LRRC27: variants seen among roughly 807,000 people sequenced by gnomAD.
LRRC27 encodes leucine-rich repeat-containing protein 27.
In LRRC27, 57 loss-of-function variants were observed where a neutral mutation model predicts 55.0. The ratio of observed to expected loss-of-function variants is 1.04; its 90% CI spans 0.84 to 1.29. The LOEUF is 1.29. LRRC27 is among the 50% of genes most tolerant of loss of function. The probability of loss-of-function intolerance (pLI) is 0.00; values close to 1 mark genes in which losing one functional copy is unlikely to be tolerated. For missense variants in LRRC27, 721 were observed against 651.5 expected (o/e 1.11, Z -1.16); for synonymous variants, 278 against 251.9 (o/e 1.10, Z -0.98).
At chr10:132,366,828 T>C in intron 10 of LRRC27, 2 of 1,262,032 alleles carry the variant, frequency 1.6e-6, no homozygotes, top group Non-Finnish European at 2.1e-6. Flanking sequence ...CCATTTCCGC[T>C]GTTTCCCTCT....
Position 132,351,788 on chromosome 10 carries a change from G to T in LRRC27, c.1073+35G>T, listed in dbSNP as rs200880765. 763 of 1,570,250 alleles carry T rather than the reference G, an allele frequency of 4.9e-4. 1 individual carries two copies. The highest frequency in any genetic ancestry group is 9.1e-4 in the Admixed American group (47 of 51,380). On this transcript the variant is annotated intron_variant, in intron 7 of 10. Coordinates refer to ENST00000368614, the MANE Select transcript of LRRC27 (RefSeq NM_030626.3). ...CACAGGGTGGGGGTCCGCACAGCCC[G>T]CCCAGTGCACCCGGAACTGGGACTG...
intron 6 of LRRC27, chr10:132,351,273 G>A (rs1340011344): frequency 8.2e-6 from 2 of 242,988 alleles, no homozygotes; most frequent in East Asian, 2.0e-4. Flanking sequence ...GTCAGACAAG[G>A]GTGCGGCATT....
rs1340209377 is a variant in LRRC27, at chr10:132,333,454, G to A, written c.-48-23G>A. 5 of 1,224,578 alleles carry A rather than the reference G, an allele frequency of 4.1e-6. No individual in the cohort carries two copies. In the South Asian group the frequency reaches 8.3e-5, roughly 20 times the overall value. The allele number at this position is 1,224,578 out of a possible 1,614,324, so 75.9% of individuals were successfully genotyped here. ...CCTCGGTATAATTAGTTGCTTCTAC[G>A]TTTCCCTTTCCCGTGTCTCCAGGTG... is the stretch of plus-strand genomic sequence containing the variant. On this transcript the variant is annotated intron_variant, in intron 1 of 10. Transcript: ENST00000368614.
At chr10:132,331,638 C>A (rs569034827), upstream of LRRC27, 2 of 1,612,882 alleles carry the variant, frequency 1.2e-6, no homozygotes, top group African/African-American at 1.3e-5. Flanking sequence ...GAGGACCGCT[C>A]CAAAGGTGGT....
Position 132,348,891 on chromosome 10 carries a change from C to A in LRRC27, c.926+535C>A. 1.8e-6 allele frequency: 2 copies of A among 1,120,690 alleles called. No individual in the cohort carries two copies. 69.4% of individuals were successfully genotyped at this position (1,120,690 alleles called of 1,614,324 possible). ...AGGAAGGCAGTCATTGTGTGGCCCA[C>A]TTCCAAAGCTTGCCTTTGCCTTTGG... On this transcript the variant is annotated intron_variant, in intron 6 of 10. Transcript: ENST00000368614. The surrounding 1 kb of genome is among the most constrained non-coding windows in gnomAD (Gnocchi z 4.2).
intron 7 of LRRC27, among the ~76,000 whole-genome samples, chr10:132,352,028 C>CAGCG (rs2068043074): frequency 9.5e-6 from 1 of 105,034 alleles, no homozygotes; most frequent in Admixed American, 9.2e-5. Context: ...GGCGCTGAGG[C>CAGCG]CTCCGTGTGG....
intron 10 of LRRC27, among the ~76,000 whole-genome samples, chr10:132,368,491 A>G (rs1209738090): frequency 6.6e-6 from 1 of 152,234 alleles, no homozygotes; most frequent in African/African-American, 2.4e-5. Flanking sequence ...GAGAGCCCCA[A>G]AATAGACCCA....
chr10:132,338,988 G>A (rs749944249), intron 3 of LRRC27, among the ~76,000 whole-genome samples: 3 of 152,296 alleles, frequency 2.0e-5, no homozygotes, highest in Non-Finnish European at 2.9e-5. Context: ...GGGATGACAG[G>A]CATGAGCCCC....
chr10:132,347,467 C>T (rs1044047027), intron 5 of LRRC27, among the ~76,000 whole-genome samples: 2 of 150,566 alleles, frequency 1.3e-5, no homozygotes, highest in African/African-American at 4.9e-5. Context: ...GTGGGAAGGT[C>T]ACATGTGTCC....
At chr10:132,333,853 T>A (rs762350425) in intron 2 of LRRC27, 119 bp downstream of exon 2, 80 of 770,038 alleles carry the variant, frequency 1.0e-4, no homozygotes, top group Non-Finnish European at 1.5e-4. Flanking sequence ...AATTCTAAAA[T>A]TAAATAGAGG....
rs533450110 is a variant in LRRC27 at position 132,333,556 on chromosome 10, C to T, written c.32C>T (p.Ser11Phe). The T allele has an allele frequency of 2.6e-5, 42 of 1,610,012 alleles. No homozygotes were observed. Among genetic ancestry groups the T allele is most frequent in the Non-Finnish European group, 3.4e-5 (40 of 1,178,652 alleles). Reference sequence around the variant, plus strand: ...GGAAGCAGCTCCTACGAAGTTCCCTCTGTGGCTGCTGCTGATCTGGAGGAG... The same window carrying T: ...GGAAGCAGCTCCTACGAAGTTCCCTTTGTGGCTGCTGCTGATCTGGAGGAG... MEGSSSYEVP[S>F]VAAADLEEGA... is the part of the protein sequence containing the mutation. The change falls in exon 2 of 11, where the codon TCT becomes TTT. Residue 11 changes from serine to phenylalanine, a missense_variant. Transcript: ENST00000368614.
At chr10:132,364,406 TCCACACCC>T in intron 9 of LRRC27, among the ~76,000 whole-genome samples, 1 of 33,382 alleles carries the variant, frequency 3.0e-5, no homozygotes, top group Non-Finnish European at 6.9e-5. Context: ...TACATCTACC[TCCACACCC>T]GCGCTTACAC....
At position 132,337,652 on chromosome 10, in the gene LRRC27, T is replaced by A. The variant is rs1248592447; in HGVS notation, c.298T>A (p.Tyr100Asn). Residue 100 changes from tyrosine to asparagine, a missense_variant, in exon 3 of 11, where the codon TAC (tyrosine) becomes AAC (asparagine). By Grantham distance (143) the Tyr-to-Asn change is moderately radical. Transcript: ENST00000368614. ...LPNLTWLDLR[Y>N]NRIKALPSGI... Reference sequence around the variant, plus strand: ...GAACCTGACTTGGCTGGACCTCCGGTACAATAGAATTAAAGCGCTTCCTTC... The same window carrying A: ...GAACCTGACTTGGCTGGACCTCCGGAACAATAGAATTAAAGCGCTTCCTTC... The A allele has an allele frequency of 5.0e-6, 8 of 1,614,098 alleles. No homozygotes were observed. The highest frequency in any genetic ancestry group is 5.9e-6 in the Non-Finnish European group (7 of 1,180,036).
At position 132,376,497 on chromosome 10, in the gene LRRC27, C is replaced by G. The variant is rs995898673; in HGVS notation, c.*1255C>G. 2 of 152,276 alleles carry G rather than the reference C, an allele frequency of 1.3e-5. No individual in the cohort carries two copies. The highest frequency in any genetic ancestry group is 4.8e-5 in the African/African-American group (2 of 41,468). 9.4% of individuals were successfully genotyped at this position (152,276 alleles called of 1,614,324 possible). On this transcript the variant is annotated 3_prime_UTR_variant, in exon 11 of 11. Transcript: ENST00000368614. ...GCCATTTCTCACGCCTGAGGGCAGG[C>G]GTTGGAGCAGCTCAGCCGGCGTTGC...
intron 2 of LRRC27, chr10:132,336,741 A>G: frequency 1.3e-6 from 1 of 765,464 alleles, no homozygotes. Flanking sequence ...ATGTGGATCC[A>G]GGCAGTCTGG....
chr10:132,340,868 G>A (rs575880180), intron 3 of LRRC27, among the ~76,000 whole-genome samples: 3 of 134,288 alleles, frequency 2.2e-5, no homozygotes, highest in South Asian at 2.3e-4. Context: ...GCCACAGAGT[G>A]AGACTCCATC....
In LRRC27 at chr10:132,372,215, G is replaced by A. The variant is rs7916721; in HGVS notation, c.1417-2851G>A. On this transcript the variant is annotated intron_variant, in intron 10 of 10. Coordinates refer to ENST00000368614, the MANE Select transcript of LRRC27 (RefSeq NM_030626.3). This position sits in a 1 kb window ranked among gnomAD's most constrained non-coding sequence, Gnocchi z 4.0. ...GGGAAGTGGGGGTCGGGGTGCGGTG[G>A]CTCACGCCTGCAATCCCAGCTGAAA... 3.4e-5 allele frequency among the ~76,000 whole-genome samples: 5 copies of A among 147,672 alleles called. No individual in the cohort carries two copies. In the East Asian group the frequency reaches 8.0e-4, roughly 23 times the overall value.
intron 3 of LRRC27, among the ~76,000 whole-genome samples, chr10:132,338,733 G>A (rs1337024535): frequency 2.8e-5 from 4 of 142,092 alleles, no homozygotes; most frequent in South Asian, 2.2e-4. Flanking sequence ...TTTTTGAGAC[G>A]GAATCTTGCT....
intron 7 of LRRC27, among the ~76,000 whole-genome samples, chr10:132,354,341 C>T (rs1479755783): frequency 6.6e-6 from 1 of 152,208 alleles, no homozygotes; most frequent in Non-Finnish European, 1.5e-5. Flanking sequence ...CGGCACAGCC[C>T]CCTTCACATC....
Sources: gnomAD v4.1 joint callset for allele counts (sites outside exome capture counted in the v4.1 genomes callset) on GRCh38, gnomAD v4.1.1 for gene constraint, Gnocchi (gnomAD v3.1) non-coding constraint, MANE v1.5 for transcripts, NCBI Gene and HGNC (gene_info 2026-07-23, HGNC 2026-07-21) for gene names.